Variants in CSF1R observed in about 807,000 individuals in gnomAD.
CSF1R encodes colony stimulating factor 1 receptor.
A neutral mutation model predicts 110.0 loss-of-function variants in CSF1R; 40 were observed. The ratio of observed to expected loss-of-function variants is 0.36; its 90% CI spans 0.28 to 0.47. CSF1R has a LOEUF of 0.47. CSF1R is among the 20% of genes least tolerant of loss of function. The probability of loss-of-function intolerance (pLI) is 0.99; values close to 1 mark genes in which losing one functional copy is unlikely to be tolerated. For missense variants in CSF1R, 1,052 were observed against 1,253.0 expected, an observed-to-expected ratio of 0.84 and a Z score of 2.42; for synonymous variants, 523 against 503.4, an observed-to-expected ratio of 1.04 and a Z score of -0.52.
At position 150,076,461 on chromosome 5, in the gene CSF1R, C is replaced by A. The variant is rs140751340; in HGVS notation, c.889+815G>T. On this transcript the variant is annotated intron_variant, in intron 5 of 20. Coordinates refer to ENST00000675795, the MANE Select transcript of CSF1R (RefSeq NM_001288705.3). Reference sequence around the variant, plus strand: ...GAAAACTGAGACACAGGGTGGTTAGCAACCTGCTAGTCCTTGGCAGACTCA... The same window carrying A: ...GAAAACTGAGACACAGGGTGGTTAGAAACCTGCTAGTCCTTGGCAGACTCA... Among the ~76,000 whole-genome samples the A allele has an allele frequency of 2.9e-3, 434 of 152,262 alleles. 1 individual carries two copies. Among genetic ancestry groups the A allele is most frequent in the Admixed American group, 4.5e-3 (69 of 15,308 alleles).
chr5:150,105,619 C>A (rs1759533630), intron 1 of CSF1R, among the ~76,000 whole-genome samples: 1 of 151,858 alleles, frequency 6.6e-6, no homozygotes, highest in Non-Finnish European at 1.5e-5. Flanking sequence ...AACTCCTGGG[C>A]TCAAGCAATC....
Position 150,057,310 on chromosome 5 carries a change from T to G in CSF1R, c.2296A>C (p.Met766Leu). 6.2e-7 allele frequency: 1 copy of G among 1,613,746 alleles called. No homozygotes were observed. Among genetic ancestry groups the G allele is most frequent in the Non-Finnish European group, 8.5e-7 (1 of 1,179,990 alleles). The change falls in exon 16 of 21, where the codon ATG (methionine) becomes CTG (leucine). Residue 766 changes from methionine to leucine, a missense_variant. Around this residue, in one of 5 missense-constraint regions of CSF1R, gnomAD observed 124 missense variants for 117.7 expected, o/e 1.05. Transcript: ENST00000675795. Reference protein sequence around the residue: ...LHFSSQVAQGMAFLASKNCIH... With the variant: ...LHFSSQVAQGLAFLASKNCIH... ...ACATTCTTGGAAGCGAGGAAGGCCA[T>G]GCCCTGGGCTACTTGGCTGGAGAAG...
intron 1 of CSF1R, among the ~76,000 whole-genome samples, chr5:150,112,892 C>T (rs11740298): frequency 0.24 from 35,905 of 152,136 alleles, 5,160 homozygotes; most frequent in Middle Eastern, 0.37. Flanking sequence ...TGAGGTCCTT[C>T]CCGCACCCAC....
chr5:150,080,482 C>A (rs1327814315), intron 2 of CSF1R, 146 bp from the exon 3 acceptor site: 2 of 1,164,008 alleles, frequency 1.7e-6, no homozygotes, highest in Non-Finnish European at 2.4e-6. Flanking sequence ...GATGCTTCAG[C>A]GTGGTGGCTC....
At chr5:150,079,879 C>T (rs1300989893) in intron 3 of CSF1R, among the ~76,000 whole-genome samples, 173 bp downstream of exon 3, 1 of 152,226 alleles carries the variant, frequency 6.6e-6, no homozygotes, top group Non-Finnish European at 1.5e-5. Flanking sequence ...TGCCCCGACA[C>T]CTTGTCAGTC....
intron 1 of CSF1R, among the ~76,000 whole-genome samples, chr5:150,096,216 C>A (rs1322586952): frequency 2.6e-5 from 4 of 152,070 alleles, no homozygotes; most frequent in Admixed American, 2.6e-4. Context: ...ATGGTGAAAC[C>A]CCATCTCTAC....
At chr5:150,057,960 CCT>C (rs1299755246) in intron 14 of CSF1R, among the ~76,000 whole-genome samples, 3 of 152,172 alleles carry the variant, frequency 2.0e-5, no homozygotes, top group African/African-American at 7.2e-5. Flanking sequence ...CCCCTTGTGC[CCT>C]CTCTTCTCTG....
At chr5:150,092,630 G>A (rs114995072) in intron 1 of CSF1R, among the ~76,000 whole-genome samples, 7 of 152,256 alleles carry the variant, frequency 4.6e-5, no homozygotes, top group Middle Eastern at 3.4e-3. Flanking sequence ...AAGAGTATAT[G>A]CAGGGGAACT....
In CSF1R at chr5:150,056,595, C is replaced by T. The variant is rs186483326; in HGVS notation, c.2320-254G>A. 3.2e-3 allele frequency among the ~76,000 whole-genome samples: 481 copies of T among 152,318 alleles called. 3 individuals carry two copies. Among genetic ancestry groups the T allele is most frequent in the African/African-American group, 0.011 (466 of 41,574 alleles). On this transcript the variant is annotated intron_variant, in intron 16 of 20. Transcript: ENST00000675795. ...AGCCATGGCCCTTCTCACCCTTTGT[C>T]CTCTGACTGGTCTGCTCAGGCCCCA...
intron 14 of CSF1R, 101 bp downstream of exon 14, chr5:150,059,599 C>A: frequency 7.0e-7 from 1 of 1,428,072 alleles, no homozygotes; most frequent in Non-Finnish European, 9.6e-7. Context: ...GGCTGCATAG[C>A]CACCCATTCA....
chr5:150,103,430 A>G (rs1218349308), intron 1 of CSF1R, among the ~76,000 whole-genome samples: 1 of 152,110 alleles, frequency 6.6e-6, no homozygotes, highest in East Asian at 1.9e-4. Context: ...CGGAGGTACT[A>G]CTTCTCCAGG....
intron 15 of CSF1R, 47 bp downstream of exon 15, chr5:150,057,457 T>G: frequency 1.2e-6 from 2 of 1,611,724 alleles, no homozygotes; most frequent in African/African-American, 1.3e-5. Context: ...CCTTCTCCTT[T>G]TCCCTTGTTA....
At chr5:150,054,524 C>A in intron 19 of CSF1R, 94 bp from the exon 20 acceptor site, 3 of 1,013,882 alleles carry the variant, frequency 3.0e-6, no homozygotes, top group East Asian at 2.5e-5. Flanking sequence ...AGCAGAGGTC[C>A]CCAAACCCAG....
intron 1 of CSF1R, among the ~76,000 whole-genome samples, chr5:150,084,242 A>T (rs1000595624): frequency 2.6e-5 from 4 of 151,474 alleles, no homozygotes; most frequent in Non-Finnish European, 4.4e-5. Context: ...GAGTGGCAGA[A>T]TTGCTTGAAC....
At chr5:150,063,022 G>A (rs1350724345) in intron 10 of CSF1R, among the ~76,000 whole-genome samples, 2 of 151,844 alleles carry the variant, frequency 1.3e-5, no homozygotes, top group African/African-American at 2.4e-5. Context: ...GTTCCCTTTT[G>A]GGATTTTTTT....
intron 1 of CSF1R, among the ~76,000 whole-genome samples, chr5:150,099,540 C>T (rs1561961991): frequency 6.6e-6 from 1 of 152,190 alleles, no homozygotes; most frequent in Non-Finnish European, 1.5e-5. Flanking sequence ...TAGAACGCTA[C>T]TCAGCAATTA....
intron 3 of CSF1R, among the ~76,000 whole-genome samples, chr5:150,079,787 G>C (rs539219312): frequency 6.6e-6 from 1 of 152,346 alleles, no homozygotes; most frequent in East Asian, 1.9e-4. Flanking sequence ...CTACCATGTT[G>C]AATGTTTATT....
chr5:150,090,754 T>C (rs1316908247), upstream of CSF1R, among the ~76,000 whole-genome samples: 2 of 152,108 alleles, frequency 1.3e-5, no homozygotes, highest in African/African-American at 4.8e-5. Context: ...TCCTCACTTA[T>C]AAGTGGAAGC....
chr5:150,094,567 T>A (rs978733099), intron 1 of CSF1R: 2 of 1,588,384 alleles, frequency 1.3e-6, no homozygotes, highest in East Asian at 4.5e-5. Context: ...GAACCCAAAT[T>A]GGCGTTTGTC....
Sources: gnomAD v4.1 joint callset for allele counts (sites outside exome capture counted in the v4.1 genomes callset) on GRCh38, gnomAD v4.1.1 for gene constraint, gnomAD v4.1.1 regional missense constraint, MANE v1.5 for transcripts, NCBI Gene and HGNC (gene_info 2026-07-23, HGNC 2026-07-21) for gene names.